Variants in FAM184B observed in about 807,000 individuals in gnomAD.
FAM184B encodes family with sequence similarity 184 member B, also known as protein FAM184B.
Under a neutral mutation model 135.9 loss-of-function variants are expected in FAM184B, and 111 were observed. The ratio of observed to expected loss-of-function variants is 0.82; its 90% CI spans 0.70 to 0.96. The LOEUF (loss-of-function observed/expected upper bound fraction) is 0.96, where lower values mean the gene tolerates loss of function less well. Ranked by LOEUF, FAM184B falls within the 40% of genes least tolerant of loss-of-function variation. FAM184B has a pLI of 0.00. For synonymous variants in FAM184B, 552 were observed against 524.8 expected, an observed-to-expected ratio of 1.05 and a Z score of -0.71; for missense variants, 1,375 against 1,323.9, an observed-to-expected ratio of 1.04 and a Z score of -0.60.
intron 8 of FAM184B, 81 bp from the exon 9 acceptor site, chr4:17,660,168 T>C: frequency 6.7e-7 from 1 of 1,492,696 alleles, no homozygotes; most frequent in African/African-American, 1.4e-5. Flanking sequence ...TGCCAGCCAC[T>C]GTGCCTGGGA....
rs1444848161 is a variant in FAM184B, at chr4:17,652,856, A to G, written c.2165T>C (p.Met722Thr). 4.5e-6 allele frequency: 7 copies of G among 1,551,586 alleles called. No homozygotes were observed. The highest frequency in any genetic ancestry group is 5.2e-6 in the Non-Finnish European group (6 of 1,146,978). ...TAGCAGCAGGGCCTGCTGTGCCTGC[A>G]TCCTCTCACGCTCCTCCTGCAGCTC... ...RQELQEERER[M>T]QAQQALLLES... Residue 722 changes from methionine (M) to threonine (T), a missense_variant, in exon 11 of 18, where the codon ATG (methionine) becomes ACG (threonine). Met to Thr is a moderately conservative substitution (Grantham distance 81). Transcript: ENST00000265018.
rs887243309 is a variant in FAM184B, at chr4:17,642,194, G to A, written c.2381C>T (p.Pro794Leu). ...GCCGGAACCCTGCCCAGCAGCGCCCGGTGGGGAGCCGGCCTGGCCCGGGCC... is the reference window on the plus strand; with the variant it reads ...GCCGGAACCCTGCCCAGCAGCGCCCAGTGGGGAGCCGGCCTGGCCCGGGCC... The part of the protein sequence containing the change: ...RGGPGQAGSP[P>L]GAAGQGSGEG... Residue 794 changes from proline (P) to leucine (L), a missense_variant, in exon 13 of 18, where the codon CCG (proline) becomes CTG (leucine). Physicochemically the swap from Pro to Leu is moderately conservative, Grantham distance 98. Transcript: ENST00000265018. 12 of 1,524,256 alleles carry A rather than the reference G, an allele frequency of 7.9e-6. No homozygotes were observed. The East Asian group carries it at 1.0e-4, about 13-fold the overall frequency. The allele number at this position is 1,524,256 out of a possible 1,614,324, so 94.4% of individuals were successfully genotyped here.
intron 6 of FAM184B, among the ~76,000 whole-genome samples, chr4:17,691,913 C>A (rs1359607694): frequency 6.7e-6 from 1 of 150,282 alleles, no homozygotes; most frequent in African/African-American, 2.5e-5. Context: ...ATTAGCCAGG[C>A]GTGGTGGCAG....
At chr4:17,666,305 C>CTT (rs71167320) in intron 7 of FAM184B, among the ~76,000 whole-genome samples, 39,598 of 130,996 alleles carry the variant, frequency 0.3, 6,643 homozygotes, top group Non-Finnish European at 0.37. Context: ...CCCTGGAATT[C>CTT]TTTTTTTTTT....
chr4:17,714,060 G>A (rs559552435), intron 1 of FAM184B, among the ~76,000 whole-genome samples: 1 of 152,138 alleles, frequency 6.6e-6, no homozygotes, highest in East Asian at 1.9e-4. Flanking sequence ...ATGTCAAGCT[G>A]CACATGGACA....
At chr4:17,700,733 C>T (rs1479010444) in intron 5 of FAM184B, among the ~76,000 whole-genome samples, 4 of 152,116 alleles carry the variant, frequency 2.6e-5, no homozygotes, top group Non-Finnish European at 5.9e-5. Context: ...AGACAGACCA[C>T]GTTTGGGCCA....
intron 1 of FAM184B, among the ~76,000 whole-genome samples, chr4:17,725,004 T>C (rs1717609994): frequency 6.6e-6 from 1 of 152,168 alleles, no homozygotes. Context: ...TCAATCTCTA[T>C]CTGCCCCCGC....
In FAM184B at chr4:17,647,570, G is replaced by C. The variant is rs1276203090; in HGVS notation, c.2346+67C>G. 5.3e-6 allele frequency: 8 copies of C among 1,496,612 alleles called. No homozygotes were observed. The African/African-American group carries it at 1.1e-4, about 21-fold the overall frequency. 92.7% of individuals were successfully genotyped at this position (1,496,612 alleles called of 1,614,324 possible). The stretch of plus-strand genomic sequence containing the variant: ...AGCCTCAGAGCCCATCCTTTATGGG[G>C]CTTCTTACTGCGGCCCTGATGCTGC... On this transcript the variant is annotated intron_variant, in intron 12 of 17. Transcript: ENST00000265018.
chr4:17,665,468 C>T (rs561742784), intron 7 of FAM184B, among the ~76,000 whole-genome samples: 121 of 152,308 alleles, frequency 7.9e-4, no homozygotes, highest in African/African-American at 2.8e-3. Context: ...ATTTGTCTCA[C>T]GAAATAGTGA....
chr4:17,717,975 A>T (rs111960172), intron 1 of FAM184B, among the ~76,000 whole-genome samples: 120 of 152,288 alleles, frequency 7.9e-4, no homozygotes, highest in African/African-American at 2.7e-3. Context: ...AATTCTACAA[A>T]GTGAATGTTT....
intron 1 of FAM184B, among the ~76,000 whole-genome samples, chr4:17,748,847 GA>G (rs1343772671): frequency 1.3e-5 from 2 of 151,862 alleles, no homozygotes; most frequent in Non-Finnish European, 2.9e-5. Context: ...TTATGTCTTA[GA>G]GATGGGGTTT....
intron 6 of FAM184B, among the ~76,000 whole-genome samples, chr4:17,689,016 T>C (rs1577261514): frequency 6.6e-6 from 1 of 152,304 alleles, no homozygotes; most frequent in East Asian, 1.9e-4. Context: ...TCTAATGAGC[T>C]AGTTGCTTGG....
At position 17,629,597 on chromosome 4, in the gene FAM184B, CCT is replaced by C. The variant is rs1259594057; in HGVS notation, c.*2933_*2934del. The C allele has an allele frequency of 6.6e-6, 1 of 152,086 alleles. No individual in the cohort carries two copies. The highest frequency in any genetic ancestry group is 2.4e-5 in the African/African-American group (1 of 41,396). 9.4% of individuals were successfully genotyped at this position (152,086 alleles called of 1,614,324 possible). A position where few individuals can be genotyped will look rare whatever the true frequency, so the allele number is the denominator to read the frequency against. Reference sequence around the variant, plus strand: ...GCAGGAACATATTAACTCTTCCACCCCTGTCATAATACAGCCTGAAGAGATTT... The same window carrying C: ...GCAGGAACATATTAACTCTTCCACCCGTCATAATACAGCCTGAAGAGATTT... On this transcript the variant is annotated 3_prime_UTR_variant, in exon 18 of 18. Transcript: ENST00000265018.
At chr4:17,656,965 G>A (rs1715790258) in intron 10 of FAM184B, among the ~76,000 whole-genome samples, 1 of 152,048 alleles carries the variant, frequency 6.6e-6, no homozygotes, top group Non-Finnish European at 1.5e-5. Context: ...CAGTAGATCA[G>A]CATTTTAGGT....
Position 17,633,708 on chromosome 4 carries a change from C to G in FAM184B, c.3070G>C (p.Asp1024His), listed in dbSNP as rs1481330214. ...CCAAACCTTGTGGCAGTTTTTGCATCTGTAGACTGGTTGGGTTTGTAGGTC... is the reference window on the plus strand; with the variant it reads ...CCAAACCTTGTGGCAGTTTTTGCATGTGTAGACTGGTTGGGTTTGTAGGTC... The part of the protein sequence containing the change: ...GRTYKPNQST[D>H]AKTATRTPDG... Residue 1024 changes from aspartate to histidine, a missense_variant, in exon 17 of 18, where the codon GAT (aspartate) becomes CAT (histidine). Coordinates refer to ENST00000265018, the MANE Select transcript of FAM184B (RefSeq NM_015688.2). 5 of 1,545,090 alleles carry G rather than the reference C, an allele frequency of 3.2e-6. No individual in the cohort carries two copies. The highest frequency in any genetic ancestry group is 2.4e-5 in the South Asian group (2 of 83,204).
chr4:17,774,681 C>T (rs1718886641), intron 1 of FAM184B, among the ~76,000 whole-genome samples: 1 of 152,198 alleles, frequency 6.6e-6, no homozygotes, highest in Non-Finnish European at 1.5e-5. Flanking sequence ...ATACCTGTCA[C>T]CATTCTCTCT....
At chr4:17,640,974 C>T (rs1302427592) in intron 13 of FAM184B, among the ~76,000 whole-genome samples, 1 of 151,796 alleles carries the variant, frequency 6.6e-6, no homozygotes, top group African/African-American at 2.4e-5. Flanking sequence ...GGCTCTGCCG[C>T]CCAGGCTGAA....
chr4:17,773,461 C>T (rs1560198637), intron 1 of FAM184B, among the ~76,000 whole-genome samples: 2 of 152,232 alleles, frequency 1.3e-5, no homozygotes. Flanking sequence ...GACGCCTGCG[C>T]ATTTCTTCCT....
intron 7 of FAM184B, among the ~76,000 whole-genome samples, chr4:17,683,587 C>A (rs1362224950): frequency 1.3e-5 from 2 of 152,104 alleles, no homozygotes; most frequent in South Asian, 4.1e-4. Flanking sequence ...CTCTATGGTG[C>A]TATCCATTGA....
Sources: allele counts gnomAD v4.1 joint callset (sites outside exome capture counted in the v4.1 genomes callset), GRCh38; gene constraint gnomAD v4.1.1; transcripts MANE v1.5; gene names NCBI Gene and HGNC (gene_info 2026-07-23, HGNC 2026-07-21).